The following LRP1B variants were observed in gnomAD, a reference collection of about 807,000 sequenced individuals.
LRP1B encodes the protein LDL receptor related protein 1B.
A neutral mutation model predicts 556.6 loss-of-function variants in LRP1B; 217 were observed. The ratio of observed to expected loss-of-function variants is 0.39; its 90% confidence interval spans 0.35 to 0.44. LRP1B has a LOEUF of 0.44. Ranked by LOEUF, LRP1B falls within the 20% of genes least tolerant of loss-of-function variation. The probability of loss-of-function intolerance (pLI) is 1.00; values close to 1 mark genes in which losing one functional copy is unlikely to be tolerated. For synonymous variants in LRP1B, 2,047 were observed against 1,865.8 expected (o/e 1.10, Z -2.50); for missense variants, 5,053 against 5,620.8 (o/e 0.90, Z 3.23).
At chr2:141,642,167 G>A (rs887796837) in intron 2 of LRP1B, among the ~76,000 whole-genome samples, 21 of 152,140 alleles carry the variant, frequency 1.4e-4, no homozygotes, top group East Asian at 9.7e-4. Flanking sequence ...CAGTTGTCCC[G>A]AGTATTGATA....
At chr2:140,967,613 G>T (rs1696271625) in intron 18 of LRP1B, among the ~76,000 whole-genome samples, 2 of 151,728 alleles carry the variant, frequency 1.3e-5, no homozygotes, top group African/African-American at 2.4e-5. Context: ...TCCCTGTCTT[G>T]TGCCAGTTTT....
Position 140,813,585 on chromosome 2 carries a change from C to G in LRP1B, c.5359+72G>C, listed in dbSNP as rs2105035576. 4 of 1,407,232 alleles carry G rather than the reference C, an allele frequency of 2.8e-6. No homozygotes were observed. The Admixed American group carries it at 7.3e-5, about 26-fold the overall frequency. The allele number at this position is 1,407,232 out of a possible 1,614,324, so 87.2% of individuals were successfully genotyped here. On this transcript the variant is annotated intron_variant, in intron 32 of 90. Transcript: ENST00000389484. Reference sequence around the variant, plus strand: ...TTAGTGGAGCAGTAACTTTCCTAAGCTTTTAACAGGTCATAATAAATCAAC... The same window carrying G: ...TTAGTGGAGCAGTAACTTTCCTAAGGTTTTAACAGGTCATAATAAATCAAC...
chr2:141,773,877 G>A (rs1694977413), intron 2 of LRP1B, among the ~76,000 whole-genome samples: 2 of 152,308 alleles, frequency 1.3e-5, no homozygotes, highest in Non-Finnish European at 2.9e-5. Flanking sequence ...AAATCAGGTG[G>A]AAGTAGCTTA....
chr2:141,708,927 C>T (rs1692252163), intron 2 of LRP1B, among the ~76,000 whole-genome samples: 1 of 152,154 alleles, frequency 6.6e-6, no homozygotes, highest in Admixed American at 6.6e-5. Context: ...CTTGGACTTC[C>T]AGCCCCTAGA....
intron 2 of LRP1B, among the ~76,000 whole-genome samples, chr2:141,658,374 G>T (rs1690092366): frequency 6.6e-6 from 1 of 152,144 alleles, no homozygotes; most frequent in South Asian, 2.1e-4. Flanking sequence ...ACATTTCAGG[G>T]CTTGCTAATT....
In LRP1B at chr2:140,908,002, T is replaced by A. The variant is rs1694306265; in HGVS notation, c.3395A>T (p.Asp1132Val). ...CTTGGGTGGTCCACACAAGAAACTGTCACAGTCATCTTCATCTGACTGATC... is the reference window on the plus strand; with the variant it reads ...CTTGGGTGGTCCACACAAGAAACTGACACAGTCATCTTCATCTGACTGATC... ...CEDQSDEDDC[D>V]SFLCGPPKHP... The change falls in exon 22 of 91, where the codon GAC becomes GTC. Residue 1132 changes from aspartate to valine, a missense_variant. Coordinates refer to ENST00000389484, the MANE Select transcript of LRP1B (RefSeq NM_018557.3). The A allele has an allele frequency of 6.2e-7, 1 of 1,613,546 alleles. No individual in the cohort carries two copies. Among genetic ancestry groups the A allele is most frequent in the East Asian group, 2.2e-5 (1 of 44,820 alleles).
chr2:141,582,936 C>CG (rs1687002343), intron 2 of LRP1B, among the ~76,000 whole-genome samples: 2 of 145,492 alleles, frequency 1.4e-5, no homozygotes, highest in South Asian at 4.3e-4. Context: ...CCTGGGTTCA[C>CG]GCCATTCTCC....
At chr2:141,820,971 A>G (rs1696732237) in intron 1 of LRP1B, among the ~76,000 whole-genome samples, 1 of 152,224 alleles carries the variant, frequency 6.6e-6, no homozygotes, top group African/African-American at 2.4e-5. Context: ...ATCCTAGATT[A>G]TCCTAGTGGG....
chr2:140,342,386 T>C (rs1283115876), intron 77 of LRP1B, among the ~76,000 whole-genome samples: 9 of 151,680 alleles, frequency 5.9e-5, no homozygotes, highest in African/African-American at 2.2e-4. Context: ...TGATTCATTA[T>C]TAGGATCTCT....
chr2:141,209,574 T>C (rs886726066), intron 6 of LRP1B, among the ~76,000 whole-genome samples: 3 of 152,214 alleles, frequency 2.0e-5, no homozygotes, highest in Non-Finnish European at 2.9e-5. Flanking sequence ...ATTTTCAACA[T>C]GCTAATAGCA....
chr2:140,260,651 G>A (rs1681893309), intron 86 of LRP1B, among the ~76,000 whole-genome samples: 1 of 151,218 alleles, frequency 6.6e-6, no homozygotes, highest in Admixed American at 6.6e-5. Context: ...TTTGTTTCTG[G>A]GATGAAAATC....
chr2:142,103,975 C>T (rs1346328967), intron 1 of LRP1B, among the ~76,000 whole-genome samples: 8 of 152,136 alleles, frequency 5.3e-5, no homozygotes, highest in African/African-American at 4.8e-5. Context: ...GCTTCATTTA[C>T]AAGATTGTCA....
chr2:140,313,599 T>A (rs2105033067), intron 83 of LRP1B, among the ~76,000 whole-genome samples: 1 of 152,054 alleles, frequency 6.6e-6, no homozygotes, highest in African/African-American at 2.4e-5. Flanking sequence ...ATTATCTCAA[T>A]GAGAAAATTA....
chr2:141,686,896 T>C (rs1691332441), intron 2 of LRP1B, among the ~76,000 whole-genome samples: 1 of 152,006 alleles, frequency 6.6e-6, no homozygotes, highest in Non-Finnish European at 1.5e-5. Context: ...AGCCATGTGA[T>C]GCTCTAAACT....
chr2:142,075,028 C>T (rs1705448488), intron 1 of LRP1B, among the ~76,000 whole-genome samples: 1 of 152,076 alleles, frequency 6.6e-6, no homozygotes, highest in Admixed American at 6.6e-5. Flanking sequence ...TTCACCATTC[C>T]AAAAGCTTAA....
chr2:141,186,764 A>G (rs956303981), intron 7 of LRP1B, among the ~76,000 whole-genome samples: 2 of 152,098 alleles, frequency 1.3e-5, no homozygotes, highest in African/African-American at 4.8e-5. Flanking sequence ...GTTCTTTCAT[A>G]CAATGACAGG....
chr2:141,118,608 A>G (rs1334490308), intron 7 of LRP1B, among the ~76,000 whole-genome samples: 2 of 151,952 alleles, frequency 1.3e-5, no homozygotes, highest in Non-Finnish European at 2.9e-5. Context: ...ATCAAATTCA[A>G]TGGCCTAATA....
intron 2 of LRP1B, among the ~76,000 whole-genome samples, chr2:141,725,376 C>CA (rs1692990324): frequency 6.6e-6 from 1 of 151,744 alleles, no homozygotes; most frequent in Non-Finnish European, 1.5e-5. Flanking sequence ...AAGTAGTAAT[C>CA]AAGTGTTATC....
At chr2:141,703,251 C>A (rs1472683395) in intron 2 of LRP1B, among the ~76,000 whole-genome samples, 1 of 151,782 alleles carries the variant, frequency 6.6e-6, no homozygotes, top group Non-Finnish European at 1.5e-5. Context: ...TTATAAGGAA[C>A]CTCTTGGCTA....
Sources: allele counts gnomAD v4.1 joint callset (sites outside exome capture counted in the v4.1 genomes callset), GRCh38; gene constraint gnomAD v4.1.1; transcripts MANE v1.5; gene names NCBI Gene and HGNC (gene_info 2026-07-23, HGNC 2026-07-21).